Variants in FSIP2 observed in about 807,000 individuals in gnomAD.
The protein encoded by FSIP2 is fibrous sheath interacting protein 2.
FSIP2 carries 367 observed loss-of-function variants against 510.5 expected under a neutral mutation model. The observed-to-expected ratio is 0.72, with a 90% CI of 0.66 to 0.78. The LOEUF (loss-of-function observed/expected upper bound fraction) is 0.78, where lower values mean the gene tolerates loss of function less well. Ranked by LOEUF, FSIP2 falls within the 30% of genes least tolerant of loss-of-function variation. The pLI, the probability that FSIP2 is intolerant of heterozygous loss-of-function variation, is 0.00. For synonymous variants in FSIP2, 2,601 were observed against 2,732.2 expected, an observed-to-expected ratio of 0.95 and a Z score of 1.50; for missense variants, 7,594 against 7,901.7, an observed-to-expected ratio of 0.96 and a Z score of 1.48.
Position 185,817,802 on chromosome 2 carries a change from T to A in FSIP2, c.20426+2331T>A, listed in dbSNP as rs374190964. Among the ~76,000 whole-genome samples, 61 of 152,106 alleles carry A rather than the reference T, an allele frequency of 4.0e-4. 1 individual carries two copies. Among genetic ancestry groups the A allele is most frequent in the South Asian group, 2.9e-3 (14 of 4,816 alleles). ...GACTTTAAGACAACTATCTAAAATATGTTCAAGAATTGTAGGTAGACAAAG... is the reference window on the plus strand; with the variant it reads ...GACTTTAAGACAACTATCTAAAATAAGTTCAAGAATTGTAGGTAGACAAAG... On this transcript the variant is annotated intron_variant, in intron 19 of 22. Coordinates refer to ENST00000424728, the MANE Select transcript of FSIP2 (RefSeq NM_173651.4).
chr2:185,763,198 CAGGCCA>C lies in FSIP2; in HGVS notation c.1260_1265del (p.Gln421_Gly422del). On this transcript the variant is annotated inframe_deletion, in exon 12 of 23. Coordinates refer to ENST00000424728, the MANE Select transcript of FSIP2 (RefSeq NM_173651.4). ...CTTTCTCTAGGAGGTATAAATATTT[CAGGCCA>C]AGGTTCAATTATTTCAGCGCAGGTA... The C allele has an allele frequency of 6.8e-7, 1 of 1,465,994 alleles. No homozygotes were observed. Among genetic ancestry groups the C allele is most frequent in the South Asian group, 1.2e-5 (1 of 82,394 alleles). 90.8% of individuals were successfully genotyped at this position (1,465,994 alleles called of 1,614,324 possible).
chr2:185,832,582 C>A (rs975777545), intron 22 of FSIP2, among the ~76,000 whole-genome samples: 2 of 151,380 alleles, frequency 1.3e-5, no homozygotes, highest in African/African-American at 4.8e-5. Context: ...AAAATTATTT[C>A]TTTATGTATA....
chr2:185,775,044 G>A (rs368787157), intron 13 of FSIP2, among the ~76,000 whole-genome samples: 11 of 70,944 alleles, frequency 1.6e-4, no homozygotes, highest in Middle Eastern at 5.1e-3. Flanking sequence ...ATAAACATAC[G>A]TGTGCATGTG....
chr2:185,807,393 C>A lies in FSIP2; in HGVS notation c.18087C>A (p.Ser6029=). The A allele has an allele frequency of 6.2e-7, 1 of 1,608,290 alleles. No homozygotes were observed. The highest frequency in any genetic ancestry group is 8.5e-7 in the Non-Finnish European group (1 of 1,178,288). ...ALFSKIFSTI[S]STKTKEPEDN... is the part of the protein sequence containing the mutation. ...TCTCCAAAATTTTCTCAACAATATC[C>A]AGCACAAAAACAAAAGAACCTGAGG... is the stretch of plus-strand genomic sequence containing the variant. The change falls in exon 17 of 23, where the codon TCC becomes TCA. Residue 6029 remains serine, a synonymous_variant. Transcript: ENST00000424728.
rs997432494 is a variant in FSIP2, at chr2:185,746,682, A to G, written c.631A>G (p.Ile211Val). ...RLMRHRYLDM[I>V]SRKLEQLERT... ...ACTCTTACTCAGATATTTGGATATG[A>G]TAAGTAGAAAACTAGAACAACTTGA... is the stretch of plus-strand genomic sequence containing the variant. The change falls in exon 6 of 23, where the codon ATA becomes GTA. Residue 211 changes from isoleucine to valine, a missense_variant. Coordinates refer to ENST00000424728, the MANE Select transcript of FSIP2 (RefSeq NM_173651.4). The G allele has an allele frequency of 2.6e-6, 4 of 1,515,944 alleles. No homozygotes were observed. The African/African-American group carries it at 4.2e-5, about 16-fold the overall frequency. The allele number at this position is 1,515,944 out of a possible 1,614,324, so 93.9% of individuals were successfully genotyped here.
At chr2:185,826,346 C>A (rs1049690717) in intron 20 of FSIP2, among the ~76,000 whole-genome samples, 1 of 151,826 alleles carries the variant, frequency 6.6e-6, no homozygotes, top group African/African-American at 2.4e-5. Context: ...TCCTCTATTT[C>A]TTTCTGGCTC....
chr2:185,765,658 T>A (rs1402824872), intron 13 of FSIP2: 2 of 151,988 alleles, frequency 1.3e-5, no homozygotes, highest in Non-Finnish European at 2.9e-5. Flanking sequence ...AACTTTAAAG[T>A]AGTTTTTTCC....
intron 8 of FSIP2, among the ~76,000 whole-genome samples, chr2:185,754,486 G>A (rs1230563916): frequency 6.6e-6 from 1 of 151,360 alleles, no homozygotes; most frequent in African/African-American, 2.4e-5. Context: ...CCCATTTCTA[G>A]GTCAGAGCTT....
rs1007856760 is a variant in FSIP2, at chr2:185,791,036, C to T, written c.3900C>T (p.Asn1300=). The change falls in exon 16 of 23, where the codon AAC becomes AAT. Residue 1300 remains asparagine (N), a synonymous_variant. Coordinates refer to ENST00000424728, the MANE Select transcript of FSIP2 (RefSeq NM_173651.4). ...GTAAGTACACAGCTAAAATAGTAAA[C>T]ATTGTTTTATGTGCTATCCAGAATG... is the stretch of plus-strand genomic sequence containing the variant. The part of the protein sequence containing the change: ...QLSKYTAKIV[N]IVLCAIQNEL... 27 of 1,531,860 alleles carry T rather than the reference C, an allele frequency of 1.8e-5. No homozygotes were observed. The Admixed American group carries it at 4.3e-4, about 25-fold the overall frequency. 94.9% of individuals were successfully genotyped at this position (1,531,860 alleles called of 1,614,324 possible). A position where few individuals can be genotyped will look rare whatever the true frequency, so the allele number is the denominator to read the frequency against.
rs1212121270 is a variant in FSIP2, at chr2:185,763,170, C to T, written c.1241-13C>T. 8 of 1,148,738 alleles carry T rather than the reference C, an allele frequency of 7.0e-6. No homozygotes were observed. The highest frequency in any genetic ancestry group is 2.0e-5 in the Admixed American group (1 of 50,206). The allele number at this position is 1,148,738 out of a possible 1,614,324, so 71.2% of individuals were successfully genotyped here. On this transcript the variant is annotated splice_polypyrimidine_tract_variant and intron_variant, in intron 11 of 22. Coordinates refer to ENST00000424728, the MANE Select transcript of FSIP2 (RefSeq NM_173651.4). ...CAGCTTCTCATATTTAAAGTTATCT[C>T]TTCTTTCTCTAGGAGGTATAAATAT...
chr2:185,752,685 C>A (rs1214803016), intron 7 of FSIP2, among the ~76,000 whole-genome samples: 1 of 151,096 alleles, frequency 6.6e-6, no homozygotes, highest in Non-Finnish European at 1.5e-5. Flanking sequence ...TTATGTCTCC[C>A]ATATCTCTTC....
intron 20 of FSIP2, among the ~76,000 whole-genome samples, chr2:185,827,924 G>T (rs978263505): frequency 3.3e-5 from 5 of 151,786 alleles, no homozygotes; most frequent in African/African-American, 1.2e-4. Context: ...CATTTCATCT[G>T]TCATAATTTC....
chr2:185,807,928 G>GAT lies in FSIP2; in HGVS notation c.18625_18626dup (p.Met6209IlefsTer5), dbSNP rs1328304469. 1.2e-6 allele frequency: 2 copies of GAT among 1,603,908 alleles called. No homozygotes were observed. Among genetic ancestry groups the GAT allele is most frequent in the Non-Finnish European group, 1.7e-6 (2 of 1,176,428 alleles). On this transcript the variant is annotated frameshift_variant, in exon 17 of 23. Transcript: ENST00000424728. LOFTEE classifies it high-confidence loss of function. ...AGAAAGAACAAAATCTCTAGAGACTGATATGCAAAAAATAACTTCAAAAGT... is the reference window on the plus strand; with the variant it reads ...AGAAAGAACAAAATCTCTAGAGACTGATATATGCAAAAAATAACTTCAAAAGT...
chr2:185,779,601 A>G (rs868772396), intron 13 of FSIP2, among the ~76,000 whole-genome samples: 1 of 152,106 alleles, frequency 6.6e-6, no homozygotes, highest in African/African-American at 2.4e-5. Flanking sequence ...TCATAACTTT[A>G]TATCATACTT....
intron 13 of FSIP2, among the ~76,000 whole-genome samples, chr2:185,778,864 G>C (rs1176057713): frequency 6.6e-6 from 1 of 151,760 alleles, no homozygotes; most frequent in Non-Finnish European, 1.5e-5. Flanking sequence ...ATGATAGTGG[G>C]CTTGCAAACT....
intron 7 of FSIP2, among the ~76,000 whole-genome samples, chr2:185,749,480 T>C (rs1174245260): frequency 6.6e-6 from 1 of 152,024 alleles, no homozygotes; most frequent in African/African-American, 2.4e-5. Flanking sequence ...ATCTGATTTA[T>C]TTATATTCAT....
rs958803592 is a variant in FSIP2 at position 185,807,391 on chromosome 2, T to C, written c.18085T>C (p.Ser6029Pro). ...TTTCTCCAAAATTTTCTCAACAATA[T>C]CCAGCACAAAAACAAAAGAACCTGA... ...ALFSKIFSTI[S>P]STKTKEPEDN... The change falls in exon 17 of 23, where the codon TCC (serine) becomes CCC (proline). Residue 6029 changes from serine to proline, a missense_variant. Physicochemically the swap from Ser to Pro is moderately conservative, Grantham distance 74. Transcript: ENST00000424728. 7.5e-6 allele frequency: 12 copies of C among 1,608,256 alleles called. No individual in the cohort carries two copies. Among genetic ancestry groups the C allele is most frequent in the Non-Finnish European group, 1.0e-5 (12 of 1,178,350 alleles).
chr2:185,817,765 C>A (rs1050375652), intron 19 of FSIP2, among the ~76,000 whole-genome samples: 1 of 151,826 alleles, frequency 6.6e-6, no homozygotes, highest in African/African-American at 2.4e-5. Context: ...TCAGTTGGAC[C>A]TACATGGCAA....
Position 185,808,215 on chromosome 2 carries a change from G to C in FSIP2, c.18909G>C (p.Glu6303Asp). 1 of 1,609,532 alleles carries C rather than the reference G, an allele frequency of 6.2e-7. No individual in the cohort carries two copies. Among genetic ancestry groups the C allele is most frequent in the Non-Finnish European group, 8.5e-7 (1 of 1,178,376 alleles). The stretch of plus-strand genomic sequence containing the variant: ...ATTCTGAATTTCAACCTCAAGTAGA[G>C]GAAGAAGTATCAAATTCAGAATTAG... ...ISNSEFQPQV[E>D]EEVSNSELVL... Residue 6303 changes from glutamate (E) to aspartate (D), a missense_variant, in exon 17 of 23, where the codon GAG (glutamate) becomes GAC (aspartate). Transcript: ENST00000424728.
Sources: allele counts gnomAD v4.1 joint callset (sites outside exome capture counted in the v4.1 genomes callset), GRCh38; gene constraint gnomAD v4.1.1; transcripts MANE v1.5; gene names NCBI Gene and HGNC (gene_info 2026-07-23, HGNC 2026-07-21).